Variants in CLYBL observed in about 807,000 individuals in gnomAD.
CLYBL encodes the protein citramalyl-CoA lyase, mitochondrial.
CLYBL carries 31 observed loss-of-function variants against 38.9 expected under a neutral mutation model. The observed-to-expected ratio is 0.80, with a 90% CI of 0.60 to 1.08. CLYBL has a LOEUF of 1.08. Among genes scored for constraint, CLYBL ranks in the 50% least tolerant of loss-of-function variants. The probability of loss-of-function intolerance (pLI) is 0.00; values close to 1 mark genes in which losing one functional copy is unlikely to be tolerated. For synonymous variants in CLYBL, 171 were observed against 158.6 expected (o/e 1.08, Z -0.59); for missense variants, 434 against 411.6 (o/e 1.05, Z -0.47).
At position 99,758,472 on chromosome 13, in the gene CLYBL, GATAAA is replaced by G. The variant is rs775297552; in HGVS notation, c.63-14345_63-14341del. On this transcript the variant is annotated intron_variant, in intron 1 of 8. Coordinates refer to ENST00000339105, the MANE Select transcript of CLYBL (RefSeq NM_206808.5). ...AGAGGCCCTAATTCCAAATATGTAA[GATAAA>G]ATAAAACAAGTTCCATCTTGTCACC... 5.2e-4 allele frequency among the ~76,000 whole-genome samples: 79 copies of G among 152,176 alleles called. 1 individual carries two copies. The highest frequency in any genetic ancestry group is 2.1e-4 in the Non-Finnish European group (14 of 68,044).
At chr13:99,686,888 T>C (rs530331270) in intron 1 of CLYBL, among the ~76,000 whole-genome samples, 17 of 152,296 alleles carry the variant, frequency 1.1e-4, no homozygotes, top group African/African-American at 2.4e-4. Flanking sequence ...GGGGAGGATA[T>C]CAAGGCACAA....
intron 1 of CLYBL, among the ~76,000 whole-genome samples, chr13:99,733,370 A>T (rs1189564465): frequency 1.3e-5 from 2 of 152,214 alleles, no homozygotes; most frequent in East Asian, 3.8e-4. Flanking sequence ...GAGGGCTGGT[A>T]AGGCTGGAAT....
chr13:99,867,641 C>G (rs1452058397), intron 6 of CLYBL, among the ~76,000 whole-genome samples: 1 of 152,080 alleles, frequency 6.6e-6, no homozygotes, highest in Non-Finnish European at 1.5e-5. Context: ...TGCAATTGTG[C>G]TTGTTCCTGC....
Position 99,871,002 on chromosome 13 carries a change from A to G in CLYBL, c.867A>G (p.Glu289=), listed in dbSNP as rs752366678. 1.9e-6 allele frequency: 3 copies of G among 1,613,926 alleles called. No individual in the cohort carries two copies. The highest frequency in any genetic ancestry group is 3.3e-4 in the Middle Eastern group (2 of 6,060). ...VVQEQFSPSP[E]KIKWAEELIA... ...AGGAGCAGTTTTCTCCTTCCCCTGA[A>G]AAAATTAAGTGGGCTGAAGAACTGA... Residue 289 remains glutamate, a synonymous_variant, in exon 7 of 9, where the codon GAA becomes GAG. Transcript: ENST00000339105.
intron 2 of CLYBL, among the ~76,000 whole-genome samples, chr13:99,806,085 T>C (rs1361566553): frequency 6.6e-6 from 1 of 152,134 alleles, no homozygotes; most frequent in Non-Finnish European, 1.5e-5. Context: ...CAATAAAGAG[T>C]TTCATGTACA....
intron 1 of CLYBL, among the ~76,000 whole-genome samples, chr13:99,714,817 C>T (rs528820680): frequency 1.3e-5 from 2 of 151,842 alleles, no homozygotes; most frequent in Admixed American, 6.6e-5. Context: ...GGCATGGTGG[C>T]GGGTGCCTGT....
chr13:99,619,975 C>T (rs1009558157), intron 1 of CLYBL, among the ~76,000 whole-genome samples: 6 of 152,146 alleles, frequency 3.9e-5, no homozygotes, highest in African/African-American at 1.2e-4. Flanking sequence ...TTGGTTTTAC[C>T]GCCTTCTCCT....
chr13:99,890,715 G>A (rs1449504777), intron 7 of CLYBL, among the ~76,000 whole-genome samples: 4 of 152,052 alleles, frequency 2.6e-5, no homozygotes, highest in East Asian at 1.9e-4. Flanking sequence ...TGATCCGCCC[G>A]CCCCGGCCTC....
intron 2 of CLYBL, among the ~76,000 whole-genome samples, chr13:99,785,036 A>G (rs2049756205): frequency 6.6e-6 from 1 of 150,392 alleles, no homozygotes; most frequent in African/African-American, 2.4e-5. Flanking sequence ...GGGACTGCAG[A>G]TGTGCACCAC....
At chr13:99,687,314 A>C (rs192468181) in intron 1 of CLYBL, among the ~76,000 whole-genome samples, 3 of 152,320 alleles carry the variant, frequency 2.0e-5, no homozygotes, top group African/African-American at 7.2e-5. Context: ...TACCTTTTAC[A>C]ATCAGCTCTG....
intron 1 of CLYBL, among the ~76,000 whole-genome samples, chr13:99,623,988 T>G (rs930159244): frequency 6.7e-6 from 1 of 148,404 alleles, no homozygotes; most frequent in Non-Finnish European, 1.5e-5. Context: ...GATGAGATGA[T>G]GCATTGAATG....
intron 2 of CLYBL, among the ~76,000 whole-genome samples, chr13:99,846,298 T>A (rs2139145763): frequency 2.7e-5 from 4 of 149,778 alleles, no homozygotes; most frequent in African/African-American, 9.8e-5. Flanking sequence ...TTTTTTTTTT[T>A]TTTTTTTTTT....
chr13:99,709,923 C>CTTTTTTTTT (rs373484721), intron 1 of CLYBL, among the ~76,000 whole-genome samples: 35 of 110,478 alleles, frequency 3.2e-4, no homozygotes, highest in Admixed American at 6.3e-4. Flanking sequence ...TTCTTTCTTT[C>CTTTTTTTTT]TTTTTTTTTT....
intron 3 of CLYBL, among the ~76,000 whole-genome samples, chr13:99,861,027 G>C (rs1266719218): frequency 6.6e-6 from 1 of 152,162 alleles, no homozygotes; most frequent in East Asian, 1.9e-4. Flanking sequence ...GAATCGCTGA[G>C]CCCTGCTACT....
At chr13:99,792,291 C>G (rs982214292) in intron 2 of CLYBL, among the ~76,000 whole-genome samples, 4 of 152,184 alleles carry the variant, frequency 2.6e-5, no homozygotes, top group African/African-American at 9.7e-5. Context: ...GACCCACACA[C>G]AGTGACCCTT....
chr13:99,894,722 T>TTAAAAA (rs2052550678), downstream of CLYBL: 1 of 89,044 alleles, frequency 1.1e-5, no homozygotes, highest in African/African-American at 4.8e-5. Flanking sequence ...ATTCCCCTAA[T>TTAAAAA]ACCTTGCCTG....
At chr13:99,690,879 AC>A (rs1042004097) in intron 1 of CLYBL, 4 of 152,192 alleles carry the variant, frequency 2.6e-5, no homozygotes, top group African/African-American at 9.7e-5. Flanking sequence ...TAACAAACAA[AC>A]AAACAAAAAC....
chr13:99,690,895 C>T (rs904759349), intron 1 of CLYBL: 1 of 152,196 alleles, frequency 6.6e-6, no homozygotes, highest in African/African-American at 2.4e-5. Flanking sequence ...AAAAACCCCT[C>T]ATCGCAAATA....
chr13:99,708,058 A>G (rs1457889637), intron 1 of CLYBL, among the ~76,000 whole-genome samples: 1 of 152,098 alleles, frequency 6.6e-6, no homozygotes, highest in Non-Finnish European at 1.5e-5. Context: ...ATCTCAGCTC[A>G]CTGCAACTTC....
Sources: gnomAD v4.1 joint callset for allele counts (sites outside exome capture counted in the v4.1 genomes callset) on GRCh38, gnomAD v4.1.1 for gene constraint, MANE v1.5 for transcripts, NCBI Gene and HGNC (gene_info 2026-07-23, HGNC 2026-07-21) for gene names.